NPSR1: variants seen among roughly 807,000 people sequenced by gnomAD.
NPSR1 encodes the protein neuropeptide S receptor.
A neutral mutation model predicts 46.9 loss-of-function variants in NPSR1; 48 were observed. The ratio of observed to expected loss-of-function variants is 1.02; its 90% CI spans 0.81 to 1.30. NPSR1 has a LOEUF of 1.30. Among genes scored for constraint, NPSR1 ranks in the 50% most tolerant of loss-of-function variants. The pLI, the probability that NPSR1 is intolerant of heterozygous loss-of-function variation, is 0.00. For synonymous variants in NPSR1, 176 were observed against 168.1 expected (o/e 1.05, Z -0.36); for missense variants, 450 against 449.5 (o/e 1.00, Z -0.01).
intron 2 of NPSR1, among the ~76,000 whole-genome samples, chr7:34,765,835 G>T (rs926397851): frequency 3.9e-5 from 6 of 152,180 alleles, no homozygotes; most frequent in Non-Finnish European, 5.9e-5. Context: ...TCATTTATAA[G>T]TGGGAGTTAA....
chr7:34,778,796 A>C (rs1213250785), intron 3 of NPSR1, among the ~76,000 whole-genome samples: 2 of 152,212 alleles, frequency 1.3e-5, no homozygotes, highest in South Asian at 4.1e-4. Flanking sequence ...AAGGACATAA[A>C]GCATTCATAT....
At chr7:34,775,632 AG>A (rs1786919262) in intron 2 of NPSR1, among the ~76,000 whole-genome samples, 2 of 152,036 alleles carry the variant, frequency 1.3e-5, no homozygotes, top group Non-Finnish European at 2.9e-5. Flanking sequence ...CTTCTTTATT[AG>A]TCTGGCTAAA....
intron 2 of NPSR1, among the ~76,000 whole-genome samples, chr7:34,739,323 T>C (rs1469333371): frequency 2.0e-5 from 3 of 152,258 alleles, no homozygotes; most frequent in Non-Finnish European, 4.4e-5. Flanking sequence ...AAAATTGTTT[T>C]CTACAATGAC....
At chr7:34,759,456 G>A (rs896207633) in intron 2 of NPSR1, among the ~76,000 whole-genome samples, 10 of 151,980 alleles carry the variant, frequency 6.6e-5, no homozygotes, top group African/African-American at 2.2e-4. Flanking sequence ...TTGCTGACTG[G>A]GGTCAGCAAG....
intron 2 of NPSR1, chr7:34,751,544 T>C (rs2128724157): frequency 6.3e-7 from 1 of 1,581,160 alleles, no homozygotes. Flanking sequence ...TCGAAACTTG[T>C]ATTCTTCTCC....
intron 2 of NPSR1, chr7:34,685,808 AC>A (rs1792899829): frequency 3.2e-6 from 1 of 312,808 alleles, no homozygotes; most frequent in African/African-American, 2.3e-5. Context: ...CATCCAAGGC[AC>A]CAGTGAAAAA....
intron 2 of NPSR1, among the ~76,000 whole-genome samples, chr7:34,707,740 AGAG>A (rs1353365560): frequency 1.3e-5 from 2 of 152,362 alleles, no homozygotes; most frequent in Admixed American, 1.3e-4. Context: ...GGTAGAGGGC[AGAG>A]GAGAAGTCTC....
At chr7:34,688,483 C>T (rs1186254395) in intron 2 of NPSR1, among the ~76,000 whole-genome samples, 1 of 152,184 alleles carries the variant, frequency 6.6e-6, no homozygotes, top group Admixed American at 6.5e-5. Flanking sequence ...GTGCACCTGC[C>T]CCCTTAACAG....
intron 3 of NPSR1, among the ~76,000 whole-genome samples, chr7:34,793,850 A>C (rs1788048484): frequency 6.6e-6 from 1 of 152,178 alleles, no homozygotes; most frequent in Non-Finnish European, 1.5e-5. Context: ...GAATTTAAAA[A>C]TCTTGGTATA....
chr7:34,814,331 G>A (rs187586051), intron 4 of NPSR1, among the ~76,000 whole-genome samples: 3 of 152,390 alleles, frequency 2.0e-5, no homozygotes, highest in Admixed American at 2.0e-4. Context: ...CAGCAGCCTG[G>A]CTAGGGGAGG....
At position 34,658,550 on chromosome 7, in the gene NPSR1, C is replaced by T. The variant is rs1562631244; in HGVS notation, c.138C>T (p.Tyr46=). The T allele has an allele frequency of 6.2e-6, 10 of 1,613,908 alleles. No homozygotes were observed. The highest frequency in any genetic ancestry group is 1.6e-4 in the Middle Eastern group (1 of 6,084). Residue 46 remains tyrosine, a synonymous_variant, in exon 1 of 9, where the codon TAC becomes TAT. Coordinates refer to ENST00000360581, the MANE Select transcript of NPSR1 (RefSeq NM_207172.2). Reference sequence around the variant, plus strand: ...GAAAGGAATGGGGTTCCTTCTACTACTCCTTTAAGGTAAGTTTCTTGCCTG... The same window carrying T: ...GAAAGGAATGGGGTTCCTTCTACTATTCCTTTAAGGTAAGTTTCTTGCCTG... ...VEGKEWGSFY[Y]SFKTEQLITL... is the part of the protein sequence containing the mutation.
intron 7 of NPSR1, 48 bp downstream of exon 7, chr7:34,845,030 A>C: frequency 7.5e-7 from 1 of 1,334,960 alleles, no homozygotes; most frequent in Non-Finnish European, 1.1e-6. Flanking sequence ...AACGTCCCAA[A>C]AGCAAGTTTG....
At chr7:34,741,956 G>T (rs1228915949) in intron 2 of NPSR1, among the ~76,000 whole-genome samples, 2 of 152,170 alleles carry the variant, frequency 1.3e-5, no homozygotes, top group African/African-American at 2.4e-5. Context: ...GCCAGCATTT[G>T]TTGCTGGATG....
intron 5 of NPSR1, among the ~76,000 whole-genome samples, chr7:34,833,512 C>A (rs1300564390): frequency 6.6e-6 from 1 of 152,170 alleles, no homozygotes; most frequent in African/African-American, 2.4e-5. Flanking sequence ...ATCTGATACT[C>A]AAAAAGTTCG....
chr7:34,861,627 G>T (rs113605157), intron 8 of NPSR1, among the ~76,000 whole-genome samples: 1 of 151,760 alleles, frequency 6.6e-6, no homozygotes, highest in African/African-American at 2.4e-5. Flanking sequence ...AAATAGAGTA[G>T]ATACCAATAA....
At chr7:34,783,803 G>A (rs1236587011) in intron 3 of NPSR1, among the ~76,000 whole-genome samples, 1 of 151,894 alleles carries the variant, frequency 6.6e-6, no homozygotes, top group Non-Finnish European at 1.5e-5. Context: ...TTATAACAAG[G>A]CTAGCAGAAA....
At chr7:34,835,189 T>C (rs1790309613) in intron 6 of NPSR1, among the ~76,000 whole-genome samples, 1 of 152,210 alleles carries the variant, frequency 6.6e-6, no homozygotes, top group Non-Finnish European at 1.5e-5. Flanking sequence ...GTGATAGGTC[T>C]GCAGAAGAAG....
At chr7:34,792,486 C>T (rs1432303777) in intron 3 of NPSR1, among the ~76,000 whole-genome samples, 1 of 145,716 alleles carries the variant, frequency 6.9e-6, no homozygotes, top group Admixed American at 7.1e-5. Flanking sequence ...ATGGCAAACC[C>T]CTATCTCTAC....
intron 8 of NPSR1, among the ~76,000 whole-genome samples, chr7:34,861,613 C>G (rs1290378700): frequency 6.6e-6 from 1 of 151,774 alleles, no homozygotes; most frequent in Admixed American, 6.6e-5. Context: ...CAGAACCACA[C>G]CCAAAATAGA....
Sources: gnomAD v4.1 joint callset for allele counts (sites outside exome capture counted in the v4.1 genomes callset) on GRCh38, gnomAD v4.1.1 for gene constraint, MANE v1.5 for transcripts, NCBI Gene and HGNC (gene_info 2026-07-23, HGNC 2026-07-21) for gene names.